Variants in ABR observed in about 807,000 individuals in gnomAD.
The protein encoded by ABR is active breakpoint cluster region-related protein.
Under a neutral mutation model 107.2 loss-of-function variants are expected in ABR, and 35 were observed. The observed-to-expected ratio is 0.33, with a 90% confidence interval of 0.25 to 0.43. The LOEUF is 0.43. Ranked by LOEUF, ABR falls within the 20% of genes least tolerant of loss-of-function variation. The probability of loss-of-function intolerance (pLI) is 1.00; values close to 1 mark genes in which losing one functional copy is unlikely to be tolerated. For missense variants in ABR, 815 were observed against 1,115.2 expected (o/e 0.73, Z 3.83); for synonymous variants, 498 against 462.0 (o/e 1.08, Z -1.00).
intron 1 of ABR, among the ~76,000 whole-genome samples, chr17:1,203,386 G>T (rs1475759428): frequency 2.1e-4 from 16 of 77,764 alleles, no homozygotes; most frequent in African/African-American, 1.0e-3. Flanking sequence ...GGGGCCTTGA[G>T]GGGGCGGGGC....
At chr17:1,067,338 T>G in intron 9 of ABR, 96 bp from the exon 10 acceptor site, 1 of 1,220,996 alleles carries the variant, frequency 8.2e-7, no homozygotes, top group Non-Finnish European at 1.1e-6. Flanking sequence ...TGACAGGGGT[T>G]GACTGAGAAC....
chr17:1,089,655 G>C (rs1340283237), intron 4 of ABR, among the ~76,000 whole-genome samples: 1 of 152,190 alleles, frequency 6.6e-6, no homozygotes, highest in Non-Finnish European at 1.5e-5. Flanking sequence ...CTGGTTCTGG[G>C]AGTCTAAGAA....
At chr17:1,129,047 C>T (rs1377177555) in intron 1 of ABR, among the ~76,000 whole-genome samples, 3 of 152,348 alleles carry the variant, frequency 2.0e-5, no homozygotes, top group South Asian at 2.1e-4. Flanking sequence ...TCTTCCCTGA[C>T]GTCCCCGCTT....
chr17:1,009,752 T>G lies in ABR; in HGVS notation c.2269A>C (p.Met757Leu). Residue 757 changes from methionine (M) to leucine (L), a missense_variant, in exon 21 of 23, where the codon ATG (methionine) becomes CTG (leucine). Physicochemically the swap from Met to Leu is conservative, Grantham distance 15 (BLOSUM62 2). Around this residue, in one of 5 missense-constraint regions of ABR, gnomAD observed 175 missense variants for 284.3 expected, o/e 0.62. Coordinates refer to ENST00000302538, the MANE Select transcript of ABR (RefSeq NM_021962.5). ...LSDPAAKENC[M>L]MHLLRSLPDP... ...GGCAGGGAGCGGAGCAGGTGCATCATGCAGTTTTCCTTGGCAGCAGGGTCT... is the reference window on the plus strand; with the variant it reads ...GGCAGGGAGCGGAGCAGGTGCATCAGGCAGTTTTCCTTGGCAGCAGGGTCT... 1 of 1,614,100 alleles carries G rather than the reference T, an allele frequency of 6.2e-7. No homozygotes were observed. Among genetic ancestry groups the G allele is most frequent in the Non-Finnish European group, 8.5e-7 (1 of 1,180,018 alleles).
Position 1,125,363 on chromosome 17 carries a change from G to C in ABR, c.66C>G (p.Phe22Leu). 1 of 1,613,184 alleles carries C rather than the reference G, an allele frequency of 6.2e-7. No homozygotes were observed. Among genetic ancestry groups the C allele is most frequent in the Non-Finnish European group, 8.5e-7 (1 of 1,179,976 alleles). The part of the protein sequence containing the change: ...LSWIDTLYSN[F>L]SYGTDEYDGE... ...CGTCGTACTCGTCCGTCCCGTAGCT[G>C]AAGTCTGAGACAAGGAACAAGAAAG... Residue 22 changes from phenylalanine (F) to leucine (L), a missense_variant, in exon 2 of 23, where the codon TTC becomes TTG. By Grantham distance (22) the Phe-to-Leu change is conservative. Around this residue, in one of 5 missense-constraint regions of ABR, gnomAD observed 129 missense variants for 124.8 expected, o/e 1.03. Transcript: ENST00000302538.
intron 7 of ABR, among the ~76,000 whole-genome samples, chr17:1,073,112 A>G (rs2258887): frequency 0.089 from 13,221 of 148,290 alleles, 707 homozygotes; most frequent in South Asian, 0.22. Flanking sequence ...CCCAGGAGGC[A>G]GAGGTTGCAG....
chr17:1,215,545 A>C (rs866781419), intron 1 of ABR, among the ~76,000 whole-genome samples: 5 of 152,100 alleles, frequency 3.3e-5, no homozygotes, highest in Admixed American at 1.3e-4. Context: ...TGAGTGCTCA[A>C]TGGTGCCCAG....
intron 5 of ABR, among the ~76,000 whole-genome samples, chr17:1,081,917 G>C (rs1295977466): frequency 6.6e-6 from 1 of 152,068 alleles, no homozygotes. Flanking sequence ...GTGTCAGCAA[G>C]CCCACTGTGG....
At chr17:1,214,222 G>T (rs181905901) in intron 1 of ABR, among the ~76,000 whole-genome samples, 1 of 142,544 alleles carries the variant, frequency 7.0e-6, no homozygotes, top group African/African-American at 2.7e-5. Context: ...GGACTTCCCC[G>T]CCCCCCACCA....
rs529063534 is a variant in ABR, at chr17:1,147,955, C to T, written c.62-22588G>A. Among the ~76,000 whole-genome samples, 5 of 152,330 alleles carry T rather than the reference C, an allele frequency of 3.3e-5. No homozygotes were observed. In the East Asian group the frequency reaches 5.8e-4, roughly 18 times the overall value. On this transcript the variant is annotated intron_variant, in intron 1 of 22. Transcript: ENST00000302538. ...AGTAAGTAAGTGCCAGGAGCACCAACGGCTTAGTGTTGGGTAGAAGCTGGC... is the reference window on the plus strand; with the variant it reads ...AGTAAGTAAGTGCCAGGAGCACCAATGGCTTAGTGTTGGGTAGAAGCTGGC...
chr17:1,183,616 A>G (rs1399168749), upstream of ABR, among the ~76,000 whole-genome samples: 2 of 152,022 alleles, frequency 1.3e-5, no homozygotes, highest in African/African-American at 4.8e-5. Flanking sequence ...GGGCCCTAGA[A>G]CCAAAACTGG....
intron 1 of ABR, among the ~76,000 whole-genome samples, chr17:1,221,749 C>T (rs1177619878): frequency 6.6e-6 from 1 of 152,062 alleles, no homozygotes; most frequent in Non-Finnish European, 1.5e-5. Flanking sequence ...AAAGGATCTG[C>T]GTAGAAAACA....
chr17:1,073,504 C>G, intron 7 of ABR, 121 bp downstream of exon 7: 1 of 785,562 alleles, frequency 1.3e-6, no homozygotes, highest in Non-Finnish European at 1.8e-6. Flanking sequence ...ATCCTTGGAG[C>G]CTAGGAACCC....
intron 1 of ABR, among the ~76,000 whole-genome samples, chr17:1,205,816 G>A (rs1381885938): frequency 6.6e-6 from 1 of 152,198 alleles, no homozygotes. Context: ...GGTGGTGCAT[G>A]CCTGTAGTCC....
chr17:1,185,655 A>T (rs1567873554), intron 1 of ABR, among the ~76,000 whole-genome samples: 4 of 99,098 alleles, frequency 4.0e-5, no homozygotes, highest in Non-Finnish European at 5.9e-5. Context: ...AGAAAGAAAT[A>T]AAAAAAAAAA....
Position 1,010,046 on chromosome 17 carries a change from T to C in ABR, c.2237-262A>G. ...TTCCTGCAGCTGACTGCATAGGCCT[T>C]GGGTGCTGGGGCATCCCCTGTCTCG... On this transcript the variant is annotated intron_variant, in intron 20 of 22. Transcript: ENST00000302538. This position sits in a 1 kb window ranked among gnomAD's most constrained non-coding sequence, Gnocchi z 4.1. The C allele has an allele frequency of 1.8e-6, 1 of 569,360 alleles. No homozygotes were observed. Among genetic ancestry groups the C allele is most frequent in the Non-Finnish European group, 3.1e-6 (1 of 317,690 alleles). The allele number at this position is 569,360 out of a possible 1,614,324, so 35.3% of individuals were successfully genotyped here. A position where few individuals can be genotyped will look rare whatever the true frequency, so the allele number is the denominator to read the frequency against.
chr17:1,050,704 G>T lies in ABR; in HGVS notation c.1562-70C>A. 8.3e-7 allele frequency: 1 copy of T among 1,200,964 alleles called. No homozygotes were observed. The highest frequency in any genetic ancestry group is 1.2e-6 in the Non-Finnish European group (1 of 807,454). The allele number at this position is 1,200,964 out of a possible 1,614,324, so 74.4% of individuals were successfully genotyped here. ...GGTGGGGCAGCTGGGGCGGCACTCA[G>T]GATGGAGGGGGACATCGCATCTGTC... On this transcript the variant is annotated intron_variant, in intron 14 of 22. Transcript: ENST00000302538. The surrounding 1 kb of genome is among the most constrained non-coding windows in gnomAD (Gnocchi z 4.6).
At chr17:1,136,449 G>A (rs906360303) in intron 1 of ABR, among the ~76,000 whole-genome samples, 5 of 149,174 alleles carry the variant, frequency 3.4e-5, no homozygotes, top group Admixed American at 6.8e-5. Context: ...GGCTGATCTT[G>A]AACTCCTGAC....
At chr17:1,115,211 A>G (rs2440744) in intron 2 of ABR, 3,059 of 152,446 alleles carry the variant, frequency 0.02, 114 homozygotes, top group African/African-American at 0.069. Context: ...TGCTCACTCT[A>G]TGCCCAGCAG....
Sources: gnomAD v4.1 joint callset for allele counts (sites outside exome capture counted in the v4.1 genomes callset) on GRCh38, gnomAD v4.1.1 for gene constraint, gnomAD v4.1.1 regional missense constraint, Gnocchi (gnomAD v3.1) non-coding constraint, MANE v1.5 for transcripts, NCBI Gene and HGNC (gene_info 2026-07-23, HGNC 2026-07-21) for gene names.